TRERF1: variants seen among roughly 807,000 people sequenced by gnomAD.
TRERF1 encodes the protein transcriptional regulating factor 1.
A neutral mutation model predicts 122.9 loss-of-function variants in TRERF1; 27 were observed. That is an observed-to-expected ratio of 0.22 (90% CI 0.16 to 0.30). The LOEUF (loss-of-function observed/expected upper bound fraction) is 0.30. Among genes scored for constraint, TRERF1 ranks in the 10% least tolerant of loss-of-function variants. The pLI is 1.00. For missense variants in TRERF1, 1,248 were observed against 1,560.3 expected (o/e 0.80, Z 3.37); for synonymous variants, 636 against 641.7 (o/e 0.99, Z 0.13).
chr6:42,263,704 C>T lies in TRERF1; in HGVS notation c.1636-136G>A. ...CCGCTGCAGGGCGATTTCCTTCCTG[C>T]AATCCTGAGTCCCTTGGCTGGAGTG... On this transcript the variant is annotated intron_variant, in intron 7 of 17. Transcript: ENST00000372922. The surrounding 1 kb of genome is among the most constrained non-coding windows in gnomAD (Gnocchi z 5.6). The T allele has an allele frequency of 3.3e-6, 4 of 1,230,324 alleles. No individual in the cohort carries two copies. Among genetic ancestry groups the T allele is most frequent in the Non-Finnish European group, 4.2e-6 (4 of 957,352 alleles). The allele number at this position is 1,230,324 out of a possible 1,614,324, so 76.2% of individuals were successfully genotyped here. A position where few individuals can be genotyped will look rare whatever the true frequency, so the allele number is the denominator to read the frequency against.
chr6:42,322,031 G>A (rs1763543224), intron 3 of TRERF1, among the ~76,000 whole-genome samples: 1 of 152,208 alleles, frequency 6.6e-6, no homozygotes, highest in African/African-American at 2.4e-5. Flanking sequence ...AGTAAAAGCA[G>A]AGATGACAGA....
At chr6:42,357,814 A>G (rs531792561) in intron 3 of TRERF1, among the ~76,000 whole-genome samples, 1 of 152,328 alleles carries the variant, frequency 6.6e-6, no homozygotes, top group South Asian at 2.1e-4. Flanking sequence ...GCAGACGTGT[A>G]ATGAAAGCAG....
intron 3 of TRERF1, among the ~76,000 whole-genome samples, chr6:42,334,558 T>C (rs1239060417): frequency 2.6e-5 from 4 of 152,224 alleles, no homozygotes; most frequent in African/African-American, 4.8e-5. Context: ...AAATCCTCTA[T>C]CTAGGCCTGT....
At chr6:42,320,671 G>A (rs549654756) in intron 3 of TRERF1, among the ~76,000 whole-genome samples, 25 of 152,092 alleles carry the variant, frequency 1.6e-4, no homozygotes, top group African/African-American at 5.1e-4. Context: ...CACAACGTCC[G>A]GCTAATTTTT....
intron 3 of TRERF1, among the ~76,000 whole-genome samples, chr6:42,336,978 C>A (rs1344818096): frequency 1.3e-5 from 2 of 152,172 alleles, no homozygotes; most frequent in African/African-American, 4.8e-5. Context: ...GAGAGAGCAG[C>A]TCATGATAGG....
At chr6:42,333,851 T>G (rs1765656576) in intron 3 of TRERF1, among the ~76,000 whole-genome samples, 1 of 152,040 alleles carries the variant, frequency 6.6e-6, no homozygotes, top group South Asian at 2.1e-4. Flanking sequence ...CAGTGACGAA[T>G]CCCAACGGCC....
intron 2 of TRERF1, among the ~76,000 whole-genome samples, chr6:42,412,951 C>T (rs1449259053): frequency 6.6e-6 from 1 of 151,902 alleles, no homozygotes; most frequent in Non-Finnish European, 1.5e-5. Flanking sequence ...CAGGGTGGGG[C>T]CCTGTGTCAA....
At chr6:42,284,488 C>T (rs1043910323) in intron 4 of TRERF1, among the ~76,000 whole-genome samples, 9 of 152,246 alleles carry the variant, frequency 5.9e-5, no homozygotes, top group African/African-American at 2.2e-4. Flanking sequence ...GTCACACATT[C>T]TCAGCTGAGG....
chr6:42,362,466 C>T (rs1177451094), intron 3 of TRERF1, among the ~76,000 whole-genome samples: 1 of 152,192 alleles, frequency 6.6e-6, no homozygotes, highest in East Asian at 1.9e-4. Flanking sequence ...AACTACTGAC[C>T]CTTGAAACAG....
chr6:42,281,256 C>T (rs200467343), intron 4 of TRERF1, among the ~76,000 whole-genome samples: 2 of 152,264 alleles, frequency 1.3e-5, no homozygotes, highest in East Asian at 3.9e-4. Context: ...ACCAAGAAGA[C>T]AGAAATGCGG....
Position 42,398,391 on chromosome 6 carries a change from C to T in TRERF1, c.-453-35312G>A, listed in dbSNP as rs559987068. On this transcript the variant is annotated intron_variant, in intron 2 of 17. Coordinates refer to ENST00000372922, the Ensembl canonical transcript of TRERF1. ...ATCCAGAGTGTGGCCATCACATGCC[C>T]TTGGTCCTTATTTTCCTAAGCACCT... is the stretch of plus-strand genomic sequence containing the variant. Among the ~76,000 whole-genome samples the T allele has an allele frequency of 2.6e-5, 4 of 152,250 alleles. No individual in the cohort carries two copies. In the East Asian group the frequency reaches 7.7e-4, roughly 29 times the overall value.
intron 2 of TRERF1, among the ~76,000 whole-genome samples, chr6:42,369,734 C>T (rs1773425823): frequency 6.6e-6 from 1 of 152,130 alleles, no homozygotes; most frequent in African/African-American, 2.4e-5. Flanking sequence ...TGTCTATTTG[C>T]ATACCTGCTG....
intron 4 of TRERF1, among the ~76,000 whole-genome samples, chr6:42,293,933 T>C (rs1453237754): frequency 6.6e-6 from 1 of 152,098 alleles, no homozygotes; most frequent in African/African-American, 2.4e-5. Flanking sequence ...ACGAATCCCC[T>C]GAGACCCTGC....
In TRERF1 at chr6:42,259,460, C is replaced by T. The variant is rs1240083019; in HGVS notation, c.2148G>A (p.Pro716=). Residue 716 remains proline (P), a synonymous_variant, in exon 9 of 18, where the codon CCG becomes CCA. Transcript: ENST00000372922. This position sits in a 1 kb window ranked among gnomAD's most constrained non-coding sequence, Gnocchi z 4.9. ...TGAAGAGCCCCGAGCCCTGGCGCAC[C>T]GGGCTCAGCATGGGTGGGGGCGTGT... is the stretch of plus-strand genomic sequence containing the variant. 3 of 1,604,322 alleles carry T rather than the reference C, an allele frequency of 1.9e-6. No homozygotes were observed. The highest frequency in any genetic ancestry group is 1.1e-5 in the South Asian group (1 of 90,612).
intron 4 of TRERF1, among the ~76,000 whole-genome samples, chr6:42,274,343 G>A (rs1315007757): frequency 6.6e-6 from 1 of 152,162 alleles, no homozygotes; most frequent in Non-Finnish European, 1.5e-5. Context: ...TCTGGGCCTA[G>A]AACAGTGCCT....
At chr6:42,308,776 G>GTCTA (rs1181756088) in intron 3 of TRERF1, among the ~76,000 whole-genome samples, 7 of 151,972 alleles carry the variant, frequency 4.6e-5, no homozygotes, top group African/African-American at 1.7e-4. Context: ...AGACACTGAG[G>GTCTA]TCTACTTGAG....
At chr6:42,238,829 T>C (rs72856314) in intron 15 of TRERF1, among the ~76,000 whole-genome samples, 210 of 119,202 alleles carry the variant, frequency 1.8e-3, no homozygotes, top group Non-Finnish European at 2.7e-3. Context: ...CTGAGAATCA[T>C]GCATTTCACA....
chr6:42,230,274 G>A (rs1770258356), intron 17 of TRERF1, among the ~76,000 whole-genome samples: 1 of 152,000 alleles, frequency 6.6e-6, no homozygotes, highest in African/African-American at 2.4e-5. Flanking sequence ...TTTTGAGTTA[G>A]GAAAAGCCAC....
chr6:42,274,235 G>T (rs771106776), intron 4 of TRERF1, among the ~76,000 whole-genome samples: 1 of 152,170 alleles, frequency 6.6e-6, no homozygotes, highest in Non-Finnish European at 1.5e-5. Context: ...TGGTGAGTCC[G>T]ATGCACGCTT....
Sources: allele counts gnomAD v4.1 joint callset (sites outside exome capture counted in the v4.1 genomes callset), GRCh38; gene constraint gnomAD v4.1.1; non-coding constraint Gnocchi (gnomAD v3.1); transcripts MANE v1.5; gene names NCBI Gene and HGNC (gene_info 2026-07-23, HGNC 2026-07-21).